Variants in METTL25 observed in about 807,000 individuals in gnomAD.
METTL25 encodes methyltransferase like 25.
In METTL25, 64 loss-of-function variants were observed where a neutral mutation model predicts 71.6. The ratio of observed to expected loss-of-function variants is 0.89; its 90% CI spans 0.73 to 1.10. The LOEUF is 1.10. METTL25 is among the 50% of genes least tolerant of loss of function. METTL25 has a pLI of 0.00. For synonymous variants in METTL25, 287 were observed against 250.3 expected, an observed-to-expected ratio of 1.15 and a Z score of -1.38; for missense variants, 807 against 707.0, an observed-to-expected ratio of 1.14 and a Z score of -1.60.
At chr12:82,366,537 T>G (rs749650424) in intron 1 of METTL25, among the ~76,000 whole-genome samples, 12 of 152,220 alleles carry the variant, frequency 7.9e-5, no homozygotes, top group Non-Finnish European at 1.6e-4. Context: ...AGAAAGTGTA[T>G]GTCCATGATA....
chr12:82,416,083 AAGT>A (rs1179452366), intron 5 of METTL25, among the ~76,000 whole-genome samples: 2 of 152,150 alleles, frequency 1.3e-5, no homozygotes, highest in Non-Finnish European at 2.9e-5. Flanking sequence ...GGCAGAAAGA[AAGT>A]AGCAGTAGGG....
chr12:82,454,095 A>G (rs1891324464), intron 8 of METTL25, among the ~76,000 whole-genome samples: 1 of 152,152 alleles, frequency 6.6e-6, no homozygotes, highest in Non-Finnish European at 1.5e-5. Context: ...AAATAGAAAT[A>G]AAAAATCTAA....
chr12:82,361,057 C>T (rs748292852), intron 1 of METTL25, among the ~76,000 whole-genome samples: 9 of 152,110 alleles, frequency 5.9e-5, no homozygotes, highest in Admixed American at 3.3e-4. Flanking sequence ...GCTGCTGGCG[C>T]CAGCAGTCTG....
chr12:82,399,518 T>C, intron 4 of METTL25, 124 bp downstream of exon 4: 1 of 780,406 alleles, frequency 1.3e-6, no homozygotes, highest in South Asian at 2.0e-5. Flanking sequence ...GAAAATGAAA[T>C]CATAAGTAGG....
intron 9 of METTL25, among the ~76,000 whole-genome samples, chr12:82,469,759 GT>G (rs1892462307): frequency 6.6e-6 from 1 of 151,956 alleles, no homozygotes; most frequent in East Asian, 1.9e-4. Context: ...GCACTTTGAG[GT>G]TTTATGCCCA....
intron 9 of METTL25, among the ~76,000 whole-genome samples, chr12:82,462,372 C>G (rs1375688652): frequency 6.6e-6 from 1 of 152,056 alleles, no homozygotes; most frequent in East Asian, 1.9e-4. Context: ...TTCACCCTAC[C>G]CTTCCAAGCC....
intron 8 of METTL25, among the ~76,000 whole-genome samples, chr12:82,449,875 G>A (rs752085478): frequency 6.6e-6 from 1 of 151,984 alleles, no homozygotes; most frequent in Non-Finnish European, 1.5e-5. Flanking sequence ...TTCCTTGAAA[G>A]TGCTGCCAAT....
At chr12:82,434,750 C>T (rs1565862876) in intron 7 of METTL25, 26 bp downstream of exon 7, 1 of 1,603,066 alleles carries the variant, frequency 6.2e-7, no homozygotes, top group African/African-American at 1.3e-5. Flanking sequence ...AACTGATGAA[C>T]ACGACAGTTT....
rs1217775803 is a variant in METTL25, at chr12:82,398,832, C to T, written c.569C>T (p.Ser190Phe). The T allele has an allele frequency of 3.8e-6, 6 of 1,575,804 alleles. No individual in the cohort carries two copies. In the East Asian group the frequency reaches 1.1e-4, roughly 30 times the overall value. The change falls in exon 4 of 12, where the codon TCT becomes TTT. Residue 190 changes from serine (S) to phenylalanine (F), a missense_variant. By Grantham distance (155) the Ser-to-Phe change is radical (BLOSUM62 -2). Coordinates refer to ENST00000248306, the MANE Select transcript of METTL25 (RefSeq NM_032230.3). The part of the protein sequence containing the change: ...DLGSGKGYLS[S>F]FLSLKYGLKV... ...GGTTCCGGTAAAGGCTACCTAAGCT[C>T]TTTTTTGTCCTTGAAGTATGGCTTA...
chr12:82,430,696 T>C (rs931134256), intron 5 of METTL25, among the ~76,000 whole-genome samples, 197 bp from the exon 6 acceptor site: 2 of 151,710 alleles, frequency 1.3e-5, no homozygotes, highest in East Asian at 3.9e-4. Context: ...GCAGCTGTGT[T>C]GAGCAAATAC....
At chr12:82,411,702 T>C (rs984633478) in intron 5 of METTL25, among the ~76,000 whole-genome samples, 1 of 151,988 alleles carries the variant, frequency 6.6e-6, no homozygotes, top group African/African-American at 2.4e-5. Flanking sequence ...TTAGCAAAGA[T>C]AAGAAACAGA....
intron 9 of METTL25, among the ~76,000 whole-genome samples, chr12:82,473,232 G>A (rs1478209927): frequency 6.6e-6 from 1 of 152,144 alleles, no homozygotes; most frequent in East Asian, 1.9e-4. Flanking sequence ...CCAGCTTGGA[G>A]CTGGCACTGG....
chr12:82,392,109 T>TTTA (rs978466479), intron 3 of METTL25, among the ~76,000 whole-genome samples: 24 of 150,450 alleles, frequency 1.6e-4, no homozygotes, highest in African/African-American at 5.1e-4. Context: ...ATTTATTTTA[T>TTTA]TTATTATTAT....
chr12:82,359,842 T>C (rs1209021724), intron 1 of METTL25, among the ~76,000 whole-genome samples: 1 of 152,240 alleles, frequency 6.6e-6, no homozygotes, highest in African/African-American at 2.4e-5. Flanking sequence ...ACTTTATTCA[T>C]TGAGCATTCT....
chr12:82,399,483 T>G, intron 4 of METTL25, 89 bp downstream of exon 4: 1 of 1,017,824 alleles, frequency 9.8e-7, no homozygotes, highest in South Asian at 1.7e-5. Context: ...ATATCTTACT[T>G]GATCACATTA....
chr12:82,418,973 A>G (rs1888226510), intron 5 of METTL25, among the ~76,000 whole-genome samples: 1 of 152,292 alleles, frequency 6.6e-6, no homozygotes, highest in South Asian at 2.1e-4. Flanking sequence ...ATCTAAATCT[A>G]CATCAGTAAA....
intron 1 of METTL25, among the ~76,000 whole-genome samples, chr12:82,385,927 A>G (rs918422387): frequency 2.0e-5 from 3 of 152,124 alleles, no homozygotes; most frequent in East Asian, 1.9e-4. Context: ...TGAAAATGGT[A>G]TGGTTCACCT....
chr12:82,459,598 G>T (rs1390994737), intron 9 of METTL25, among the ~76,000 whole-genome samples: 2 of 152,136 alleles, frequency 1.3e-5, no homozygotes, highest in African/African-American at 2.4e-5. Context: ...CTGCACTTCA[G>T]CCTGGATGAC....
At chr12:82,370,204 C>G (rs993441331) in intron 1 of METTL25, among the ~76,000 whole-genome samples, 4 of 152,166 alleles carry the variant, frequency 2.6e-5, no homozygotes, top group African/African-American at 9.7e-5. Flanking sequence ...GCGGGTCAGT[C>G]CAGGGATCCT....
Sources: gnomAD v4.1 joint callset for allele counts (sites outside exome capture counted in the v4.1 genomes callset) on GRCh38, gnomAD v4.1.1 for gene constraint, MANE v1.5 for transcripts, NCBI Gene and HGNC (gene_info 2026-07-23, HGNC 2026-07-21) for gene names.